Variants in CTNND2 observed in about 807,000 individuals in gnomAD.
CTNND2 encodes catenin delta 2.
CTNND2 carries 22 observed loss-of-function variants against 144.4 expected under a neutral mutation model. The ratio of observed to expected loss-of-function variants is 0.15; its 90% CI spans 0.11 to 0.22. The LOEUF (loss-of-function observed/expected upper bound fraction) is 0.22, where lower values mean the gene tolerates loss of function less well. Among genes scored for constraint, CTNND2 ranks in the 10% least tolerant of loss-of-function variants. The pLI is 1.00. For missense variants in CTNND2, 1,353 were observed against 1,618.8 expected, an observed-to-expected ratio of 0.84 and a Z score of 2.82; for synonymous variants, 751 against 695.6, an observed-to-expected ratio of 1.08 and a Z score of -1.25.
intron 16 of CTNND2, among the ~76,000 whole-genome samples, chr5:11,026,385 TCTCA>T (rs1742838719): frequency 8.1e-6 from 1 of 123,878 alleles, no homozygotes; most frequent in African/African-American, 2.8e-5. Context: ...TTTAAGACAG[TCTCA>T]CTCTGTTGTC....
intron 1 of CTNND2, among the ~76,000 whole-genome samples, chr5:11,859,535 A>T (rs1795406666): frequency 6.6e-6 from 1 of 151,912 alleles, no homozygotes; most frequent in South Asian, 2.1e-4. Flanking sequence ...GCTCTGGGGG[A>T]CCTCTTATCA....
chr5:11,500,819 T>C (rs1294200231), intron 3 of CTNND2, among the ~76,000 whole-genome samples: 2 of 152,216 alleles, frequency 1.3e-5, no homozygotes, highest in African/African-American at 4.8e-5. Context: ...AGAACATAAA[T>C]AGAATTGATT....
intron 12 of CTNND2, among the ~76,000 whole-genome samples, chr5:11,155,341 T>C (rs1315963325): frequency 2.0e-5 from 3 of 152,246 alleles, no homozygotes; most frequent in African/African-American, 7.2e-5. Context: ...GACTCCTTCA[T>C]CATAAAACAA....
intron 2 of CTNND2, among the ~76,000 whole-genome samples, chr5:11,675,742 GTA>G (rs992505245): frequency 3.0e-4 from 45 of 151,834 alleles, no homozygotes; most frequent in African/African-American, 9.4e-4. Context: ...ATATGTGTGT[GTA>G]TATATATGTG....
At chr5:11,133,938 T>C (rs1019951185) in intron 12 of CTNND2, among the ~76,000 whole-genome samples, 1 of 152,198 alleles carries the variant, frequency 6.6e-6, no homozygotes, top group African/African-American at 2.4e-5. Flanking sequence ...TCTCCAAGAT[T>C]CCTACCCTTT....
chr5:11,767,104 T>C (rs76459274), intron 1 of CTNND2, among the ~76,000 whole-genome samples: 2,337 of 152,210 alleles, frequency 0.015, 65 homozygotes, highest in East Asian at 0.14. Context: ...GGGAGCTCAT[T>C]AAAAATAAAA....
intron 2 of CTNND2, among the ~76,000 whole-genome samples, chr5:11,619,837 G>A (rs547488590): frequency 3.3e-5 from 5 of 152,100 alleles, no homozygotes; most frequent in East Asian, 1.9e-4. Context: ...CCATCTGTTG[G>A]TATGAAATGA....
At chr5:11,438,897 C>G (rs1764008153) in intron 3 of CTNND2, among the ~76,000 whole-genome samples, 1 of 152,096 alleles carries the variant, frequency 6.6e-6, no homozygotes, top group South Asian at 2.1e-4. Flanking sequence ...TTATTTATCC[C>G]TTTCGCCAGG....
At position 11,439,801 on chromosome 5, in the gene CTNND2, T is replaced by TA. The variant is rs1554058791; in HGVS notation, c.288-27733_288-27732insT. Among the ~76,000 whole-genome samples, 199 of 145,760 alleles carry TA rather than the reference T, an allele frequency of 1.4e-3. 9 individuals carry two copies. In the South Asian group the frequency reaches 0.046, roughly 33 times the overall value. On this transcript the variant is annotated intron_variant, in intron 3 of 21. Coordinates refer to ENST00000304623, the MANE Select transcript of CTNND2 (RefSeq NM_001332.4). ...CTATCTATCTATCTATCTATCTATC[T>TA]TATATATATGTGTGTATATATATGT...
At chr5:11,126,591 G>A (rs574862260) in intron 12 of CTNND2, among the ~76,000 whole-genome samples, 7 of 152,280 alleles carry the variant, frequency 4.6e-5, no homozygotes, top group Non-Finnish European at 5.9e-5. Flanking sequence ...GAAGGTCACC[G>A]TCCAGCAAGG....
chr5:11,527,447 G>A (rs910049987), intron 3 of CTNND2, among the ~76,000 whole-genome samples: 4 of 152,058 alleles, frequency 2.6e-5, no homozygotes, highest in African/African-American at 7.2e-5. Flanking sequence ...CTGGGAGCCT[G>A]CCCTGGAATC....
At chr5:11,376,856 C>A (rs1166131578) in intron 7 of CTNND2, among the ~76,000 whole-genome samples, 1 of 152,148 alleles carries the variant, frequency 6.6e-6, no homozygotes, top group Non-Finnish European at 1.5e-5. Flanking sequence ...AGCCCCACCC[C>A]CTCAAGCTCA....
At chr5:11,876,524 A>G (rs1735582275) in intron 1 of CTNND2, among the ~76,000 whole-genome samples, 1 of 152,194 alleles carries the variant, frequency 6.6e-6, no homozygotes, top group African/African-American at 2.4e-5. Flanking sequence ...TTGACTGTGT[A>G]TGTATACACA....
intron 3 of CTNND2, among the ~76,000 whole-genome samples, chr5:11,536,303 A>G (rs762987908): frequency 2.6e-5 from 4 of 152,118 alleles, no homozygotes; most frequent in South Asian, 2.1e-4. Context: ...GCCTCAAGCA[A>G]TCCTCCTACC....
At chr5:11,170,204 A>G (rs1003740871) in intron 11 of CTNND2, among the ~76,000 whole-genome samples, 1 of 152,186 alleles carries the variant, frequency 6.6e-6, no homozygotes. Context: ...AGACACATAA[A>G]TTTGCTATTT....
chr5:11,182,195 TGTGTGTGTGG>T (rs1205962091), intron 11 of CTNND2, among the ~76,000 whole-genome samples: 1 of 142,090 alleles, frequency 7.0e-6, no homozygotes, highest in Non-Finnish European at 1.5e-5. Flanking sequence ...GTGTGGGGTA[TGTGTGTGTGG>T]GTGTGTGTGT....
intron 1 of CTNND2, among the ~76,000 whole-genome samples, chr5:11,886,135 C>A (rs1188617347): frequency 6.6e-6 from 1 of 151,756 alleles, no homozygotes; most frequent in Non-Finnish European, 1.5e-5. Context: ...CAGGAATAAA[C>A]CAACCCAAAA....
intron 2 of CTNND2, among the ~76,000 whole-genome samples, chr5:11,720,475 A>T (rs1581773120): frequency 6.6e-6 from 1 of 152,262 alleles, no homozygotes; most frequent in African/African-American, 2.4e-5. Flanking sequence ...ACAGTTATTG[A>T]ACAAAAGTTT....
At chr5:11,228,353 CAAAAAAA>C (rs564048343) in intron 10 of CTNND2, among the ~76,000 whole-genome samples, 1 of 26,734 alleles carries the variant, frequency 3.7e-5, no homozygotes, top group Non-Finnish European at 7.9e-5. Flanking sequence ...CTCTCTCTCT[CAAAAAAA>C]AAAAAAAAAA....
Sources: gnomAD v4.1 joint callset for allele counts (sites outside exome capture counted in the v4.1 genomes callset) on GRCh38, gnomAD v4.1.1 for gene constraint, MANE v1.5 for transcripts, NCBI Gene and HGNC (gene_info 2026-07-23, HGNC 2026-07-21) for gene names.